TMEM108: variants seen among roughly 807,000 people sequenced by gnomAD.
TMEM108 encodes cancer/testis antigen 124.
In TMEM108, 12 loss-of-function variants were observed where a neutral mutation model predicts 35.1. The ratio of observed to expected loss-of-function variants is 0.34; its 90% CI spans 0.22 to 0.55. The LOEUF is 0.55. Among genes scored for constraint, TMEM108 ranks in the 20% least tolerant of loss-of-function variants. The pLI is 0.89. For missense variants in TMEM108, 680 were observed against 753.3 expected, an observed-to-expected ratio of 0.90 and a Z score of 1.14; for synonymous variants, 287 against 308.6, an observed-to-expected ratio of 0.93 and a Z score of 0.73.
At chr3:133,228,674 A>G (rs1266358808) in intron 2 of TMEM108, among the ~76,000 whole-genome samples, 1 of 152,182 alleles carries the variant, frequency 6.6e-6, no homozygotes, top group Non-Finnish European at 1.5e-5. Flanking sequence ...AAGGCTAAAG[A>G]GATACACTCT....
chr3:133,077,998 T>C (rs1345862752), intron 2 of TMEM108, among the ~76,000 whole-genome samples: 1 of 152,092 alleles, frequency 6.6e-6, no homozygotes, highest in African/African-American at 2.4e-5. Context: ...ACTAAGACTT[T>C]TATACAAACT....
intron 2 of TMEM108, among the ~76,000 whole-genome samples, chr3:133,058,094 G>GA (rs5852726): frequency 0.61 from 92,577 of 151,030 alleles, 28,416 homozygotes; most frequent in Admixed American, 0.69. Flanking sequence ...TATTGATTTT[G>GA]AAAAAAAAAT....
At chr3:133,160,807 C>G (rs1384340826) in intron 2 of TMEM108, among the ~76,000 whole-genome samples, 1 of 152,158 alleles carries the variant, frequency 6.6e-6, no homozygotes, top group Non-Finnish European at 1.5e-5. Context: ...TCCAGCACCA[C>G]CTTTGGTTCC....
intron 4 of TMEM108, chr3:133,386,969 A>C: frequency 1.0e-6 from 1 of 980,696 alleles, no homozygotes; most frequent in South Asian, 4.7e-5. Flanking sequence ...ATAAGCTTCA[A>C]AGTGCCTGGG....
intron 2 of TMEM108, among the ~76,000 whole-genome samples, chr3:133,113,975 A>G (rs1944256772): frequency 6.6e-6 from 1 of 152,150 alleles, no homozygotes; most frequent in Admixed American, 6.6e-5. Context: ...CTTTGGGAAA[A>G]AAAGGGAAGC....
chr3:133,068,993 CA>C (rs895785224), intron 2 of TMEM108, among the ~76,000 whole-genome samples: 52 of 152,136 alleles, frequency 3.4e-4, no homozygotes, highest in Admixed American at 2.5e-3. Flanking sequence ...CCAAGCAGGA[CA>C]AAACAGTGTA....
chr3:133,387,611 T>TCCATGCCC (rs2073171959), intron 4 of TMEM108: 2 of 906,852 alleles, frequency 2.2e-6, no homozygotes, highest in Non-Finnish European at 2.6e-6. Context: ...TTGAGCAAGT[T>TCCATGCCC]CACCTCTCTA....
intron 3 of TMEM108, among the ~76,000 whole-genome samples, chr3:133,333,782 G>A (rs1452955513): frequency 3.3e-5 from 5 of 152,170 alleles, no homozygotes; most frequent in Admixed American, 6.5e-5. Flanking sequence ...AAGTCAATTT[G>A]TGTATTTTCA....
chr3:133,162,994 A>G (rs1004625787), intron 2 of TMEM108, among the ~76,000 whole-genome samples: 6 of 152,192 alleles, frequency 3.9e-5, no homozygotes, highest in African/African-American at 1.4e-4. Flanking sequence ...CACCCCATAT[A>G]GATTTTAGTA....
At chr3:133,200,824 T>A (rs112726647) in intron 2 of TMEM108, among the ~76,000 whole-genome samples, 2,288 of 152,326 alleles carry the variant, frequency 0.015, 77 homozygotes, top group African/African-American at 0.051. Flanking sequence ...TGTAGCTGTT[T>A]AAATGTAAAT....
intron 2 of TMEM108, among the ~76,000 whole-genome samples, chr3:133,143,705 G>A (rs996982406): frequency 6.6e-6 from 1 of 152,132 alleles, no homozygotes; most frequent in Non-Finnish European, 1.5e-5. Context: ...TTCTAAATCT[G>A]CTGCACTGAA....
chr3:133,265,573 T>A (rs73217560), intron 3 of TMEM108, among the ~76,000 whole-genome samples: 6,769 of 152,254 alleles, frequency 0.044, 191 homozygotes, highest in Non-Finnish European at 0.064. Flanking sequence ...CATCTCAACC[T>A]GCCATCCTTG....
At chr3:133,228,996 G>C (rs4293703) in intron 2 of TMEM108, among the ~76,000 whole-genome samples, 2,080 of 152,248 alleles carry the variant, frequency 0.014, 55 homozygotes, top group African/African-American at 0.048. Context: ...TTCATAAAAA[G>C]TCTTCAATTC....
chr3:133,313,651 A>T (rs890294955), intron 3 of TMEM108, among the ~76,000 whole-genome samples: 15 of 152,208 alleles, frequency 9.9e-5, no homozygotes, highest in Admixed American at 6.5e-4. Context: ...TTCTGGACAC[A>T]TGCAATGTCC....
chr3:133,141,557 G>A (rs1373727464), intron 2 of TMEM108, among the ~76,000 whole-genome samples: 1 of 152,124 alleles, frequency 6.6e-6, no homozygotes, highest in African/African-American at 2.4e-5. Flanking sequence ...TAAGTAAGGT[G>A]GGATGAGCCT....
chr3:133,274,836 C>T (rs1946817462), intron 3 of TMEM108, among the ~76,000 whole-genome samples: 1 of 152,124 alleles, frequency 6.6e-6, no homozygotes, highest in Admixed American at 6.5e-5. Context: ...AGACACATTC[C>T]CTACCCTCCC....
chr3:133,384,713 G>A (rs1429598104), intron 4 of TMEM108, among the ~76,000 whole-genome samples: 4 of 152,166 alleles, frequency 2.6e-5, no homozygotes, highest in Admixed American at 2.0e-4. Flanking sequence ...TGAATTGGTC[G>A]GCGCTCACCA....
chr3:133,127,041 A>G (rs1478650964), intron 2 of TMEM108, among the ~76,000 whole-genome samples: 1 of 152,170 alleles, frequency 6.6e-6, no homozygotes, highest in African/African-American at 2.4e-5. Flanking sequence ...AAGTCTTGAA[A>G]GTCCTATTGA....
At chr3:133,087,900 C>G (rs1455771740) in intron 2 of TMEM108, among the ~76,000 whole-genome samples, 1 of 152,010 alleles carries the variant, frequency 6.6e-6, no homozygotes, top group Non-Finnish European at 1.5e-5. Flanking sequence ...GAGTCGAGGC[C>G]CAACTACGTG....
Sources: allele counts gnomAD v4.1 joint callset (sites outside exome capture counted in the v4.1 genomes callset), GRCh38; gene constraint gnomAD v4.1.1; transcripts MANE v1.5; gene names NCBI Gene and HGNC (gene_info 2026-07-23, HGNC 2026-07-21).